PPP4R3A: variants seen among roughly 807,000 people sequenced by gnomAD.
PPP4R3A encodes protein phosphatase 4 regulatory subunit 3A, also known as serine/threonine-protein phosphatase 4 regulatory subunit 3A.
In PPP4R3A, 15 loss-of-function variants were observed where a neutral mutation model predicts 91.7. The ratio of observed to expected loss-of-function variants is 0.16; its 90% CI spans 0.11 to 0.25. The LOEUF (loss-of-function observed/expected upper bound fraction) is 0.25. PPP4R3A is among the 10% of genes least tolerant of loss of function. The pLI is 1.00. For missense variants in PPP4R3A, 623 were observed against 998.4 expected (o/e 0.62, Z 5.07); for synonymous variants, 377 against 348.7 (o/e 1.08, Z -0.91).
At chr14:91,470,776 T>C in intron 10 of PPP4R3A, 61 bp downstream of exon 10, 1 of 1,561,510 alleles carries the variant, frequency 6.4e-7, no homozygotes, top group African/African-American at 1.4e-5. Flanking sequence ...ATTTGGGCAA[T>C]AAGATGTAAA....
At chr14:91,500,544 G>T (rs543156304) in intron 1 of PPP4R3A, among the ~76,000 whole-genome samples, 1 of 151,946 alleles carries the variant, frequency 6.6e-6, no homozygotes, top group East Asian at 1.9e-4. Context: ...CATTTCACTG[G>T]TAACACTGTA....
chr14:91,479,840 C>CCCCATCCAGCG (rs1488570675), intron 4 of PPP4R3A, among the ~76,000 whole-genome samples: 1 of 152,202 alleles, frequency 6.6e-6, no homozygotes, highest in Non-Finnish European at 1.5e-5. Context: ...CCGCATCCAG[C>CCCCATCCAGCG]CCCAGGCTAG....
In PPP4R3A at chr14:91,462,258, G is replaced by C. The variant is rs1759093913; in HGVS notation, c.1974-19C>G. The C allele has an allele frequency of 1.3e-6, 2 of 1,549,320 alleles. No homozygotes were observed. The highest frequency in any genetic ancestry group is 1.7e-6 in the Non-Finnish European group (2 of 1,154,502). On this transcript the variant is annotated intron_variant, in intron 12 of 14. Transcript: ENST00000554943. ...ACGCATACTATGAGTAGGGAAGAAA[G>C]AGTAAATACAATCATATATGGACTT...
At chr14:91,476,794 T>C in intron 5 of PPP4R3A, 115 bp downstream of exon 5, 2 of 855,112 alleles carry the variant, frequency 2.3e-6, no homozygotes, top group Non-Finnish European at 3.6e-6. Context: ...CTCAAACTTC[T>C]GACCTCGTGA....
At chr14:91,502,177 C>G (rs192711307) in intron 1 of PPP4R3A, among the ~76,000 whole-genome samples, 1 of 152,166 alleles carries the variant, frequency 6.6e-6, no homozygotes, top group Non-Finnish European at 1.5e-5. Flanking sequence ...CCTGGCTACT[C>G]AGGAGGGTGA....
chr14:91,499,504 G>A (rs941042502), intron 1 of PPP4R3A, among the ~76,000 whole-genome samples: 2 of 151,920 alleles, frequency 1.3e-5, no homozygotes, highest in Non-Finnish European at 2.9e-5. Flanking sequence ...ATGTCAAAAG[G>A]AGAAATGCGA....
chr14:91,466,940 A>AACACACACATACAC (rs1555434432), intron 10 of PPP4R3A, among the ~76,000 whole-genome samples: 2 of 147,472 alleles, frequency 1.4e-5, no homozygotes, highest in Non-Finnish European at 3.0e-5. Context: ...GTCCTACCAT[A>AACACACACATACAC]ACACACACAC....
At chr14:91,458,953 G>A in intron 14 of PPP4R3A, 84 bp from the exon 15 acceptor site, 1 of 1,434,910 alleles carries the variant, frequency 7.0e-7, no homozygotes, top group Non-Finnish European at 9.3e-7. Flanking sequence ...AAAGAAAATA[G>A]ATCCTACCAA....
At chr14:91,482,328 T>G in intron 3 of PPP4R3A, 135 bp from the exon 4 acceptor site, 1 of 948,500 alleles carries the variant, frequency 1.1e-6, no homozygotes, top group Non-Finnish European at 1.5e-6. Context: ...TGCCTACTTT[T>G]CTACATTACA....
chr14:91,475,891 C>T lies in PPP4R3A; in HGVS notation c.1186G>A (p.Val396Ile). ...GCCTCCTGCATGACAAACTCTCGTA[C>T]CATGGATGGATTATATTCAACCAAG... ...SYLVEYNPSM[V>I]REFVMQEAQQ... Residue 396 changes from valine (V) to isoleucine (I), a missense_variant, in exon 7 of 15, where the codon GTA (valine) becomes ATA (isoleucine). Transcript: ENST00000554943. 2 of 1,613,696 alleles carry T rather than the reference C, an allele frequency of 1.2e-6. No homozygotes were observed. The highest frequency in any genetic ancestry group is 1.7e-6 in the Non-Finnish European group (2 of 1,179,900).
At chr14:91,507,487 A>T (rs1891446072) in intron 1 of PPP4R3A, among the ~76,000 whole-genome samples, 1 of 132,206 alleles carries the variant, frequency 7.6e-6, no homozygotes, top group Non-Finnish European at 1.6e-5. Context: ...ATAGTTATAT[A>T]TACTATATAG....
intron 7 of PPP4R3A, chr14:91,474,950 T>A (rs1889090883): frequency 6.6e-6 from 1 of 152,222 alleles, no homozygotes; most frequent in East Asian, 1.9e-4. Flanking sequence ...TTACATGGCA[T>A]TCCATTTCCT....
chr14:91,502,561 C>T (rs960669838), intron 1 of PPP4R3A, among the ~76,000 whole-genome samples: 65 of 152,276 alleles, frequency 4.3e-4, no homozygotes, highest in Middle Eastern at 6.8e-3. Context: ...ACAGCTCTTA[C>T]CCCCAAAAGC....
intron 1 of PPP4R3A, among the ~76,000 whole-genome samples, chr14:91,508,672 A>T (rs1290782382): frequency 6.6e-6 from 1 of 152,220 alleles, no homozygotes; most frequent in Admixed American, 6.5e-5. Context: ...AAAAAACGTG[A>T]AACACTTATT....
chr14:91,467,956 C>A (rs1687436710), intron 10 of PPP4R3A, among the ~76,000 whole-genome samples: 4 of 152,128 alleles, frequency 2.6e-5, no homozygotes, highest in Admixed American at 2.6e-4. Flanking sequence ...AGAAGAACCA[C>A]AAGTATCTTA....
At chr14:91,493,773 CT>C (rs71120151) in intron 1 of PPP4R3A, among the ~76,000 whole-genome samples, 95,757 of 119,716 alleles carry the variant, frequency 0.8, 37,865 homozygotes, top group East Asian at 0.93. Flanking sequence ...ATCAATATTA[CT>C]TTTTTTTTTT....
At chr14:91,472,264 A>C (rs1334009915) in intron 9 of PPP4R3A, among the ~76,000 whole-genome samples, 1 of 152,044 alleles carries the variant, frequency 6.6e-6, no homozygotes, top group Non-Finnish European at 1.5e-5. Context: ...GTAGCTTAAT[A>C]TTGTGCAAAA....
At position 91,481,699 on chromosome 14, in the gene PPP4R3A, T is replaced by G. The variant is rs17127374; in HGVS notation, c.792A>C (p.Thr264=). The change falls in exon 4 of 15, where the codon ACA becomes ACC. Residue 264 remains threonine (T), a synonymous_variant. Coordinates refer to ENST00000554943, the MANE Select transcript of PPP4R3A (RefSeq NM_001366432.2). ...DPELKQKIHQ[T]YRVQYIQDMV... is the part of the protein sequence containing the mutation. ...TATCTTGTATATACTGAACTCTGTA[T>G]GTCTGATGAATTTTTTGTTTCAGCT... 6.2e-7 allele frequency: 1 copy of G among 1,614,084 alleles called. No individual in the cohort carries two copies. Among genetic ancestry groups the G allele is most frequent in the Admixed American group, 1.7e-5 (1 of 60,012 alleles).
Position 91,509,819 on chromosome 14 carries a change from G to C in PPP4R3A, c.-172C>G, listed in dbSNP as rs936383422. On this transcript the variant is annotated 5_prime_UTR_variant, in exon 1 of 15. Transcript: ENST00000554943. Reference sequence around the variant, plus strand: ...CGCCGCCTGCATGGCCCGCTCCAGGGACCGAGCTCTGGGCCGCCGCCTTTC... The same window carrying C: ...CGCCGCCTGCATGGCCCGCTCCAGGCACCGAGCTCTGGGCCGCCGCCTTTC... 140 of 1,202,088 alleles carry C rather than the reference G, an allele frequency of 1.2e-4. No individual in the cohort carries two copies. Among genetic ancestry groups the C allele is most frequent in the Non-Finnish European group, 1.3e-4 (129 of 972,218 alleles). The allele number at this position is 1,202,088 out of a possible 1,614,324, so 74.5% of individuals were successfully genotyped here.
Sources: gnomAD v4.1 joint callset for allele counts (sites outside exome capture counted in the v4.1 genomes callset) on GRCh38, gnomAD v4.1.1 for gene constraint, MANE v1.5 for transcripts, NCBI Gene and HGNC (gene_info 2026-07-23, HGNC 2026-07-21) for gene names.